The following GOLM2 variants were observed in gnomAD, a reference collection of about 807,000 sequenced individuals.
GOLM2 encodes protein GOLM2.
Under a neutral mutation model 55.9 loss-of-function variants are expected in GOLM2, and 26 were observed. The ratio of observed to expected loss-of-function variants is 0.47; its 90% CI spans 0.34 to 0.65. The LOEUF (loss-of-function observed/expected upper bound fraction) is 0.65. Ranked by LOEUF, GOLM2 falls within the 30% of genes least tolerant of loss-of-function variation. GOLM2 has a pLI of 0.01. For missense variants in GOLM2, 486 were observed against 531.8 expected (o/e 0.91, Z 0.85); for synonymous variants, 165 against 194.6 (o/e 0.85, Z 1.27).
rs545580455 is a variant in GOLM2, at chr15:44,414,828, A to C, written c.*1422A>C. 3.9e-5 allele frequency: 6 copies of C among 152,780 alleles called. No individual in the cohort carries two copies. Among genetic ancestry groups the C allele is most frequent in the African/African-American group, 1.4e-4 (6 of 41,586 alleles). 9.5% of individuals were successfully genotyped at this position (152,780 alleles called of 1,614,324 possible). A position where few individuals can be genotyped will look rare whatever the true frequency, so the allele number is the denominator to read the frequency against. Reference sequence around the variant, plus strand: ...CAAGCTTATATTTGCTAGACTTACAAATTATTTTAAATGCATTTATCTTTT... The same window carrying C: ...CAAGCTTATATTTGCTAGACTTACACATTATTTTAAATGCATTTATCTTTT... On this transcript the variant is annotated 3_prime_UTR_variant, in exon 10 of 10. Coordinates refer to ENST00000299957, the MANE Select transcript of GOLM2 (RefSeq NM_138423.4).
At chr15:44,292,492 G>T (rs924108671) in intron 1 of GOLM2, among the ~76,000 whole-genome samples, 2 of 152,034 alleles carry the variant, frequency 1.3e-5, no homozygotes, top group Non-Finnish European at 2.9e-5. Flanking sequence ...CACCGCACCC[G>T]GCTAGTTCTG....
chr15:44,405,241 A>C (rs2079590066), intron 9 of GOLM2: 1 of 152,222 alleles, frequency 6.6e-6, no homozygotes, highest in Non-Finnish European at 1.5e-5. Context: ...AAGGAATATA[A>C]GGAAATGACA....
rs763287981 is a variant in GOLM2, at chr15:44,289,340, G to C, written c.311G>C (p.Arg104Thr). The C allele has an allele frequency of 6.2e-7, 1 of 1,612,372 alleles. No homozygotes were observed. The highest frequency in any genetic ancestry group is 8.5e-7 in the Non-Finnish European group (1 of 1,179,330). The change falls in exon 1 of 10, where the codon AGA becomes ACA. Residue 104 changes from arginine to threonine, a missense_variant. Physicochemically the swap from Arg to Thr is moderately conservative, Grantham distance 71. Transcript: ENST00000299957. The surrounding 1 kb of genome is among the most constrained non-coding windows in gnomAD (Gnocchi z 4.8). ...RLQAREGLGK[R>T]CEDDKVKLQN... ...CAGGCCAGAGAGGGCCTCGGGAAGAGATGCGAGGATGACAAGGTAAGGACG... is the reference window on the plus strand; with the variant it reads ...CAGGCCAGAGAGGGCCTCGGGAAGACATGCGAGGATGACAAGGTAAGGACG...
intron 8 of GOLM2, among the ~76,000 whole-genome samples, chr15:44,397,508 CCA>C (rs10695192): frequency 1.1e-3 from 143 of 129,706 alleles, no homozygotes; most frequent in East Asian, 2.3e-3. Context: ...AAAAACAAAA[CCA>C]CACACACACA....
At chr15:44,318,572 G>T (rs1039172327) in intron 1 of GOLM2, among the ~76,000 whole-genome samples, 3 of 152,144 alleles carry the variant, frequency 2.0e-5, no homozygotes, top group Non-Finnish European at 4.4e-5. Flanking sequence ...AGCTGTGTGT[G>T]GTGGTATGTG....
rs1595607476 is a variant in GOLM2 at position 44,289,100 on chromosome 15, T to C, written c.71T>C (p.Val24Ala). The C allele has an allele frequency of 6.2e-7, 1 of 1,614,092 alleles. No homozygotes were observed. The change falls in exon 1 of 10, where the codon GTG (valine) becomes GCG (alanine). Residue 24 changes from valine (V) to alanine (A), a missense_variant. By Grantham distance (64) the Val-to-Ala change is moderately conservative. Transcript: ENST00000299957. The surrounding 1 kb of genome is among the most constrained non-coding windows in gnomAD (Gnocchi z 4.8). ...CTCGTGCTGGTGGTGCTGCTGGTGGTGATCGTCGTCCTCGCCTTCAACTAC... is the reference window on the plus strand; with the variant it reads ...CTCGTGCTGGTGGTGCTGCTGGTGGCGATCGTCGTCCTCGCCTTCAACTAC... ...PSLVLVVLLV[V>A]IVVLAFNYWS...
At position 44,392,616 on chromosome 15, in the gene GOLM2, G is replaced by A. The variant is rs537278454; in HGVS notation, c.1073-10271G>A. Among the ~76,000 whole-genome samples the A allele has an allele frequency of 3.8e-3, 569 of 148,512 alleles. 3 individuals carry two copies. The highest frequency in any genetic ancestry group is 6.4e-3 in the Non-Finnish European group (431 of 67,218). On this transcript the variant is annotated intron_variant, in intron 8 of 9. Coordinates refer to ENST00000299957, the MANE Select transcript of GOLM2 (RefSeq NM_138423.4). ...CCAGCCTGGTGACAAAGCGAGACTCGGTCTCAAAAAAAAAAAAAAAAATTC... is the reference window on the plus strand; with the variant it reads ...CCAGCCTGGTGACAAAGCGAGACTCAGTCTCAAAAAAAAAAAAAAAAATTC...
At chr15:44,365,911 A>C (rs1329095439) in intron 6 of GOLM2, among the ~76,000 whole-genome samples, 1 of 152,192 alleles carries the variant, frequency 6.6e-6, no homozygotes, top group African/African-American at 2.4e-5. Flanking sequence ...GGATGTTAAT[A>C]ATCGGGGAGG....
chr15:44,369,066 A>T lies in GOLM2; in HGVS notation c.803-10624A>T, dbSNP rs865835213. ...GAGATATATACATATAATAGGATAT[A>T]TTATATATATATATATATATATATA... On this transcript the variant is annotated intron_variant, in intron 6 of 9. Transcript: ENST00000299957. 3.1e-3 allele frequency among the ~76,000 whole-genome samples: 185 copies of T among 60,062 alleles called. 3 individuals are homozygous for T. The highest frequency in any genetic ancestry group is 0.014 in the African/African-American group (181 of 13,352). The allele number at this position is 60,062 out of a possible 152,430, so 39.4% of individuals were successfully genotyped here. A position where few individuals can be genotyped will look rare whatever the true frequency, so the allele number is the denominator to read the frequency against.
intron 6 of GOLM2, among the ~76,000 whole-genome samples, chr15:44,340,265 A>C (rs187697771): frequency 2.0e-5 from 3 of 151,928 alleles, no homozygotes; most frequent in Non-Finnish European, 4.4e-5. Flanking sequence ...AGAGAGAGAG[A>C]GCCAAAAATT....
chr15:44,335,262 T>C (rs2079049078), intron 4 of GOLM2, among the ~76,000 whole-genome samples: 1 of 152,160 alleles, frequency 6.6e-6, no homozygotes, highest in African/African-American at 2.4e-5. Context: ...GGTGATTACT[T>C]TTCTGTAAAT....
intron 9 of GOLM2, among the ~76,000 whole-genome samples, chr15:44,411,605 G>A (rs1231136506): frequency 6.6e-6 from 1 of 152,074 alleles, no homozygotes; most frequent in Non-Finnish European, 1.5e-5. Context: ...ACTTTGGGTG[G>A]CTGAGGCAGG....
Position 44,382,996 on chromosome 15 carries a change from A to G in GOLM2, c.1072+2020A>G, listed in dbSNP as rs373055819. Among the ~76,000 whole-genome samples, 675 of 151,282 alleles carry G rather than the reference A, an allele frequency of 4.5e-3. 4 individuals carry two copies. The highest frequency in any genetic ancestry group is 0.016 in the African/African-American group (642 of 41,374). On this transcript the variant is annotated intron_variant, in intron 8 of 9. Transcript: ENST00000299957. ...CCATATTATTTTCCATTTATCATTA[A>G]TGTATATGGAGAGTTGAAATCAATG... is the stretch of plus-strand genomic sequence containing the variant.
chr15:44,332,660 A>T (rs1041672254), intron 4 of GOLM2, among the ~76,000 whole-genome samples: 1 of 152,152 alleles, frequency 6.6e-6, no homozygotes, highest in Admixed American at 6.5e-5. Context: ...AAAGTGGGCA[A>T]CTTTTTTACT....
chr15:44,301,415 C>T (rs943688576), intron 1 of GOLM2, among the ~76,000 whole-genome samples: 1 of 152,166 alleles, frequency 6.6e-6, no homozygotes, highest in African/African-American at 2.4e-5. Flanking sequence ...TCTTTAACCC[C>T]ATTTTAATTT....
At chr15:44,390,463 G>A (rs2079479774) in intron 8 of GOLM2, 1 of 152,220 alleles carries the variant, frequency 6.6e-6, no homozygotes, top group African/African-American at 2.4e-5. Flanking sequence ...TATAGCAGCA[G>A]GGTTTCATTT....
At chr15:44,388,432 G>C (rs2079463458) in intron 8 of GOLM2, among the ~76,000 whole-genome samples, 1 of 152,102 alleles carries the variant, frequency 6.6e-6, no homozygotes, top group South Asian at 2.1e-4. Flanking sequence ...TCCTAACACT[G>C]GGAGGCCGAG....
intron 8 of GOLM2, among the ~76,000 whole-genome samples, chr15:44,388,535 A>C (rs912328981): frequency 2.0e-5 from 3 of 152,050 alleles, no homozygotes; most frequent in African/African-American, 4.8e-5. Context: ...TTAGCTGGGC[A>C]TGGAGGCGTG....
intron 2 of GOLM2, among the ~76,000 whole-genome samples, chr15:44,326,263 CAA>C (rs569803247): frequency 3.0e-4 from 18 of 59,700 alleles, no homozygotes; most frequent in Admixed American, 5.8e-4. Context: ...GACTCTGTCT[CAA>C]AAAAAAAAAA....
Sources: allele counts gnomAD v4.1 joint callset (sites outside exome capture counted in the v4.1 genomes callset), GRCh38; gene constraint gnomAD v4.1.1; non-coding constraint Gnocchi (gnomAD v3.1); transcripts MANE v1.5; gene names NCBI Gene and HGNC (gene_info 2026-07-23, HGNC 2026-07-21).